INPP5A: variants seen among roughly 807,000 people sequenced by gnomAD.
INPP5A encodes 43 kDa inositol polyphosphate 5-phophatase.
In INPP5A, 14 loss-of-function variants were observed where a neutral mutation model predicts 65.2. That is an observed-to-expected ratio of 0.21 (90% CI 0.14 to 0.34). The LOEUF is 0.34. INPP5A is among the 10% of genes least tolerant of loss of function. The pLI is 1.00. For missense variants in INPP5A, 431 were observed against 545.6 expected, an observed-to-expected ratio of 0.79 and a Z score of 2.09; for synonymous variants, 207 against 208.3, an observed-to-expected ratio of 0.99 and a Z score of 0.05.
In INPP5A at chr10:132,678,225, G is replaced by A. The variant is rs192661068; in HGVS notation, c.307-12167G>A. On this transcript the variant is annotated intron_variant, in intron 4 of 15. Transcript: ENST00000368594. The surrounding 1 kb of genome is among the most constrained non-coding windows in gnomAD (Gnocchi z 4.1). ...ATGCTGCCTGGGGGTGGCACTGGGG[G>A]AAGTGGGCAGTAGTGAGGACGCCGC... 7.0e-3 allele frequency among the ~76,000 whole-genome samples: 1,060 copies of A among 152,328 alleles called. 20 individuals carry two copies. Among genetic ancestry groups the A allele is most frequent in the South Asian group, 0.069 (334 of 4,830 alleles).
chr10:132,563,320 C>T (rs544989194), intron 1 of INPP5A, among the ~76,000 whole-genome samples: 6 of 152,226 alleles, frequency 3.9e-5, no homozygotes, highest in African/African-American at 9.6e-5. Context: ...TCTCCGGGGC[C>T]GAGCTCTGCT....
intron 6 of INPP5A, among the ~76,000 whole-genome samples, chr10:132,702,690 C>T (rs149190637): frequency 3.9e-5 from 6 of 152,312 alleles, no homozygotes; most frequent in Non-Finnish European, 8.8e-5. Context: ...AGGCAGTGCC[C>T]GGGCACAGCT....
At position 132,616,937 on chromosome 10, in the gene INPP5A, G is replaced by A. The variant is rs1010362338; in HGVS notation, c.117+8981G>A. ...TCGTGCTGGCCAGTTGCTTTGCTGC[G>A]CTGGTGGGGAGAGGCCGCCTGAGGT... On this transcript the variant is annotated intron_variant, in intron 2 of 15. Transcript: ENST00000368594. This position sits in a 1 kb window ranked among gnomAD's most constrained non-coding sequence, Gnocchi z 4.9. 2.0e-5 allele frequency among the ~76,000 whole-genome samples: 3 copies of A among 152,064 alleles called. No individual in the cohort carries two copies. Among genetic ancestry groups the A allele is most frequent in the African/African-American group, 4.8e-5 (2 of 41,376 alleles).
intron 12 of INPP5A, among the ~76,000 whole-genome samples, chr10:132,773,610 C>T (rs927451005): frequency 8.5e-5 from 13 of 152,300 alleles, no homozygotes; most frequent in South Asian, 2.1e-4. Context: ...GGAGCGAGGC[C>T]GCCCGTCCGC....
chr10:132,722,882 G>A (rs949942387), intron 8 of INPP5A, among the ~76,000 whole-genome samples: 2 of 152,186 alleles, frequency 1.3e-5, no homozygotes, highest in East Asian at 3.8e-4. Flanking sequence ...CTACTGACAA[G>A]GTAATTAATT....
At chr10:132,710,969 C>T (rs1489878455) in intron 8 of INPP5A, among the ~76,000 whole-genome samples, 7 of 152,182 alleles carry the variant, frequency 4.6e-5, no homozygotes, top group African/African-American at 4.8e-5. Context: ...GCTGATTTGC[C>T]GATGGGCCTT....
At chr10:132,736,269 G>A (rs1846174567) in intron 9 of INPP5A, among the ~76,000 whole-genome samples, 1 of 152,354 alleles carries the variant, frequency 6.6e-6, no homozygotes, top group Admixed American at 6.5e-5. Context: ...GCTGGCCGTG[G>A]TGACAAAGAG....
chr10:132,607,855 G>T, intron 1 of INPP5A, 60 bp from the exon 2 acceptor site: 1 of 1,511,416 alleles, frequency 6.6e-7, no homozygotes, highest in Non-Finnish European at 9.1e-7. Flanking sequence ...GCTTGTCCTG[G>T]CTCTGTTTAG....
chr10:132,702,874 G>T (rs1419847894), intron 6 of INPP5A, among the ~76,000 whole-genome samples: 1 of 152,226 alleles, frequency 6.6e-6, no homozygotes, highest in African/African-American at 2.4e-5. Context: ...GGATGCTTGG[G>T]GTGGGCCGGG....
At chr10:132,775,334 C>T (rs796935676) in intron 12 of INPP5A, among the ~76,000 whole-genome samples, 60 of 152,092 alleles carry the variant, frequency 3.9e-4, no homozygotes, top group African/African-American at 1.4e-3. Context: ...GTGTGCCTCC[C>T]CCCCCACCCA....
intron 1 of INPP5A, among the ~76,000 whole-genome samples, chr10:132,604,806 A>G (rs2071825045): frequency 6.6e-6 from 1 of 152,194 alleles, no homozygotes; most frequent in Non-Finnish European, 1.5e-5. Context: ...ACAGTATTTG[A>G]TCAGACCTGT....
chr10:132,748,499 C>T (rs1255424434), intron 9 of INPP5A, among the ~76,000 whole-genome samples: 4 of 152,230 alleles, frequency 2.6e-5, no homozygotes, highest in African/African-American at 7.2e-5. Context: ...GCCCCTGTGT[C>T]GGGGCCAGGG....
chr10:132,759,302 G>A (rs1211765486), intron 11 of INPP5A, among the ~76,000 whole-genome samples: 1 of 152,150 alleles, frequency 6.6e-6, no homozygotes, highest in Non-Finnish European at 1.5e-5. Flanking sequence ...CCTGATCTGG[G>A]CAAAGGTCTC....
At chr10:132,561,722 CCACACACACACACA>C (rs35335535) in intron 1 of INPP5A, among the ~76,000 whole-genome samples, 5 of 142,420 alleles carry the variant, frequency 3.5e-5, no homozygotes, top group Admixed American at 7.0e-5. Context: ...TTGTCAATTT[CCACACACACACACA>C]CACACACACA....
intron 2 of INPP5A, among the ~76,000 whole-genome samples, chr10:132,612,680 G>A (rs749000648): frequency 6.6e-5 from 10 of 152,196 alleles, no homozygotes; most frequent in Non-Finnish European, 1.3e-4. Context: ...TTGCCTGGCC[G>A]TGTGCGTGGC....
At chr10:132,694,300 G>A (rs993654708) in intron 5 of INPP5A, among the ~76,000 whole-genome samples, 2 of 147,710 alleles carry the variant, frequency 1.4e-5, no homozygotes, top group Admixed American at 7.1e-5. Flanking sequence ...GAAGTCTCAA[G>A]AGAAATTTAA....
chr10:132,722,255 T>A (rs1845898414), intron 8 of INPP5A, among the ~76,000 whole-genome samples: 2 of 151,976 alleles, frequency 1.3e-5, no homozygotes, highest in African/African-American at 4.8e-5. Flanking sequence ...GTGCCAAAGG[T>A]TTCAGCTACG....
chr10:132,761,991 A>G (rs2134667240), intron 11 of INPP5A, among the ~76,000 whole-genome samples: 1 of 152,358 alleles, frequency 6.6e-6, no homozygotes, highest in Middle Eastern at 3.4e-3. Context: ...TCATAGAAGT[A>G]TTATCATTAA....
At chr10:132,778,586 C>A (rs1007962108) in intron 13 of INPP5A, among the ~76,000 whole-genome samples, 1 of 152,160 alleles carries the variant, frequency 6.6e-6, no homozygotes, top group Admixed American at 6.5e-5. Context: ...TGAAAGCTTG[C>A]GGGTGTGCGT....
Sources: allele counts gnomAD v4.1 joint callset (sites outside exome capture counted in the v4.1 genomes callset), GRCh38; gene constraint gnomAD v4.1.1; non-coding constraint Gnocchi (gnomAD v3.1); transcripts MANE v1.5; gene names NCBI Gene and HGNC (gene_info 2026-07-23, HGNC 2026-07-21).